TOGARAM2: variants seen among roughly 807,000 people sequenced by gnomAD.
The protein encoded by TOGARAM2 is TOG array regulator of axonemal microtubules 2.
In TOGARAM2, 85 loss-of-function variants were observed where a neutral mutation model predicts 93.3. The ratio of observed to expected loss-of-function variants is 0.91; its 90% CI spans 0.76 to 1.09. The LOEUF is 1.09. Among genes scored for constraint, TOGARAM2 ranks in the 50% least tolerant of loss-of-function variants. The pLI, the probability that TOGARAM2 is intolerant of heterozygous loss-of-function variation, is 0.00. For missense variants in TOGARAM2, 1,277 were observed against 1,334.5 expected, an observed-to-expected ratio of 0.96 and a Z score of 0.67; for synonymous variants, 593 against 552.8, an observed-to-expected ratio of 1.07 and a Z score of -1.02.
intron 4 of TOGARAM2, among the ~76,000 whole-genome samples, chr2:29,001,825 T>C (rs975647397): frequency 6.6e-6 from 1 of 151,966 alleles, no homozygotes; most frequent in Non-Finnish European, 1.5e-5. Context: ...AGTGGTTTTG[T>C]TGAGGCCAGA....
chr2:29,024,158 A>T lies in TOGARAM2; in HGVS notation c.1637A>T (p.Lys546Met). The change falls in exon 13 of 20, where the codon AAG (lysine) becomes ATG (methionine). Residue 546 changes from lysine (K) to methionine (M), a missense_variant. Coordinates refer to ENST00000379558, the MANE Select transcript of TOGARAM2 (RefSeq NM_199280.4). ...VTGEVTNLRS[K>M]VSHLAISTLG... ...TCCAAGGTCACCAACCTGCGGTCCA[A>T]GGTGTCTCACCTGGCCATCAGCACC... The T allele has an allele frequency of 6.3e-7, 1 of 1,585,086 alleles. No homozygotes were observed. The highest frequency in any genetic ancestry group is 8.6e-7 in the Non-Finnish European group (1 of 1,165,274).
chr2:29,037,493 G>A (rs768592040), intron 18 of TOGARAM2, among the ~76,000 whole-genome samples: 22 of 152,134 alleles, frequency 1.4e-4, no homozygotes, highest in Non-Finnish European at 3.1e-4. Flanking sequence ...GTCCTCATGA[G>A]CATAGAGCAA....
intron 13 of TOGARAM2, among the ~76,000 whole-genome samples, chr2:29,025,771 T>C (rs1313420273): frequency 1.3e-5 from 2 of 152,204 alleles, no homozygotes; most frequent in African/African-American, 4.8e-5. Flanking sequence ...GTTTCTCTTA[T>C]AGAGCTCAGG....
chr2:29,027,864 C>T (rs546833318), intron 14 of TOGARAM2, among the ~76,000 whole-genome samples: 1 of 152,030 alleles, frequency 6.6e-6, no homozygotes, highest in Admixed American at 6.5e-5. Context: ...AGCTTGGTGT[C>T]CAAGGGTGGG....
At chr2:29,011,368 C>A in intron 6 of TOGARAM2, 87 bp from the exon 7 acceptor site, 1 of 1,259,350 alleles carries the variant, frequency 7.9e-7, no homozygotes, top group Non-Finnish European at 1.1e-6. Flanking sequence ...CGGCCATTGC[C>A]CCATCCTGGA....
At chr2:28,986,698 AG>A (rs1482779650) in intron 1 of TOGARAM2, among the ~76,000 whole-genome samples, 9 of 152,154 alleles carry the variant, frequency 5.9e-5, no homozygotes, top group African/African-American at 2.2e-4. Context: ...AGCCTCAGCC[AG>A]GCCTCTGTAG....
intron 19 of TOGARAM2, chr2:29,048,311 TG>T (rs1666866575): frequency 6.6e-6 from 1 of 152,108 alleles, no homozygotes; most frequent in Admixed American, 6.6e-5. Context: ...GAGATTTGGG[TG>T]GGGACACAGC....
intron 1 of TOGARAM2, among the ~76,000 whole-genome samples, chr2:28,968,309 A>G (rs1264587475): frequency 6.6e-6 from 1 of 152,076 alleles, no homozygotes; most frequent in Non-Finnish European, 1.5e-5. Context: ...TTAAATTATT[A>G]TTGTTTTTAT....
At chr2:28,958,558 T>C (rs1671757906) in intron 1 of TOGARAM2, among the ~76,000 whole-genome samples, 1 of 152,112 alleles carries the variant, frequency 6.6e-6, no homozygotes, top group African/African-American at 2.4e-5. Flanking sequence ...CTCCTTGGCC[T>C]CCCCAAATGC....
At chr2:29,043,560 T>TG (rs5830099) in intron 18 of TOGARAM2, among the ~76,000 whole-genome samples, 89,445 of 152,030 alleles carry the variant, frequency 0.59, 26,826 homozygotes, top group East Asian at 0.8. Flanking sequence ...ATACACGTGC[T>TG]GGGCTGCTGT....
At chr2:29,045,294 G>A in intron 18 of TOGARAM2, 30 bp from the exon 19 acceptor site, 1 of 1,594,392 alleles carries the variant, frequency 6.3e-7, no homozygotes, top group South Asian at 1.1e-5. Context: ...CCCCAGCAGT[G>A]TGGCCACTGA....
chr2:29,007,292 T>C (rs1275169007), intron 6 of TOGARAM2, among the ~76,000 whole-genome samples: 1 of 151,752 alleles, frequency 6.6e-6, no homozygotes, highest in Non-Finnish European at 1.5e-5. Flanking sequence ...GACAGGGAGG[T>C]TGTGCCACCA....
At chr2:29,021,721 G>A (rs184790564) in intron 10 of TOGARAM2, among the ~76,000 whole-genome samples, 8 of 152,280 alleles carry the variant, frequency 5.3e-5, no homozygotes, top group Admixed American at 2.0e-4. Context: ...AGGAAGAGGC[G>A]CTGACCATAC....
At chr2:28,997,118 C>T (rs575806258) in intron 2 of TOGARAM2, among the ~76,000 whole-genome samples, 33 of 152,232 alleles carry the variant, frequency 2.2e-4, no homozygotes, top group South Asian at 8.3e-4. Flanking sequence ...AAATGGGATT[C>T]CATCAAGTTA....
chr2:29,005,872 ATGT>A (rs1292929054), intron 6 of TOGARAM2, among the ~76,000 whole-genome samples: 8 of 138,894 alleles, frequency 5.8e-5, no homozygotes, highest in Non-Finnish European at 7.7e-5. Context: ...GTGTCAGTGC[ATGT>A]TGTGAGTGCA....
intron 2 of TOGARAM2, among the ~76,000 whole-genome samples, chr2:28,996,246 A>T (rs1337764778): frequency 2.6e-5 from 4 of 152,174 alleles, no homozygotes; most frequent in Non-Finnish European, 4.4e-5. Context: ...CCATTTCTTG[A>T]TGTTGGGAAC....
At chr2:29,025,993 G>C (rs754263695) in intron 13 of TOGARAM2, among the ~76,000 whole-genome samples, 18 of 152,134 alleles carry the variant, frequency 1.2e-4, no homozygotes, top group Non-Finnish European at 2.1e-4. Context: ...AAGGCAACCA[G>C]CCAGCCCCGA....
chr2:28,958,890 G>A (rs1365963909), intron 1 of TOGARAM2, among the ~76,000 whole-genome samples: 9 of 152,204 alleles, frequency 5.9e-5, no homozygotes, highest in Non-Finnish European at 1.2e-4. Context: ...CTAAACTCCC[G>A]TGGAGGGTGG....
At position 28,991,567 on chromosome 2, in the gene TOGARAM2, C is replaced by T. The variant is rs149787038; in HGVS notation, c.-110-3158C>T. On this transcript the variant is annotated intron_variant, in intron 1 of 19. Transcript: ENST00000379558. ...TCTCAGAGGTCTCTGAAAGTCGGAG[C>T]GGGTGGTGTCATGACAGAAAGAGAA... is the stretch of plus-strand genomic sequence containing the variant. 1.3e-4 allele frequency among the ~76,000 whole-genome samples: 20 copies of T among 152,236 alleles called. 1 individual carries two copies. Among genetic ancestry groups the T allele is most frequent in the African/African-American group, 3.6e-4 (15 of 41,552 alleles).
Sources: gnomAD v4.1 joint callset for allele counts (sites outside exome capture counted in the v4.1 genomes callset) on GRCh38, gnomAD v4.1.1 for gene constraint, MANE v1.5 for transcripts, NCBI Gene and HGNC (gene_info 2026-07-23, HGNC 2026-07-21) for gene names.